Variants in ADGRL3 observed in about 807,000 individuals in gnomAD.
The protein encoded by ADGRL3 is calcium-independent alpha-latrotoxin receptor 3.
ADGRL3 carries 62 observed loss-of-function variants against 153.5 expected under a neutral mutation model. The ratio of observed to expected loss-of-function variants is 0.40; its 90% CI spans 0.33 to 0.50. The LOEUF (loss-of-function observed/expected upper bound fraction) is 0.50, where lower values mean the gene tolerates loss of function less well. ADGRL3 is among the 20% of genes least tolerant of loss of function. The pLI is 0.47. For synonymous variants in ADGRL3, 710 were observed against 672.5 expected (o/e 1.06, Z -0.86); for missense variants, 1,641 against 1,859.4 (o/e 0.88, Z 2.16).
intron 1 of ADGRL3, among the ~76,000 whole-genome samples, chr4:61,354,007 C>A (rs528746641): frequency 4.4e-4 from 67 of 152,034 alleles, no homozygotes; most frequent in African/African-American, 1.6e-3. Flanking sequence ...GTATTTATTT[C>A]TCTTCTTTCC....
Position 61,432,634 on chromosome 4 carries a change from CTTTCTTTCTTTCTTTCT to C in ADGRL3, c.-174+49448_-174+49464del, listed in dbSNP as rs1487513189. ...TCTTTCTTTCTTTCTTTCTTTCTTT[CTTTCTTTCTTTCTTTCT>C]TTCTTTTTTTTTTTTTTTTGAGACA... On this transcript the variant is annotated intron_variant, in intron 2 of 26. Transcript: ENST00000683033. Among the ~76,000 whole-genome samples, 93 of 32,616 alleles carry C rather than the reference CTTTCTTTCTTTCTTTCT, an allele frequency of 2.9e-3. 9 individuals are homozygous for C. Among genetic ancestry groups the C allele is most frequent in the African/African-American group, 8.6e-3 (89 of 10,290 alleles). 21.4% of individuals were successfully genotyped at this position (32,616 alleles called of 152,430 possible).
At chr4:61,504,433 T>C (rs2098413858) in intron 3 of ADGRL3, among the ~76,000 whole-genome samples, 1 of 152,236 alleles carries the variant, frequency 6.6e-6, no homozygotes, top group African/African-American at 2.4e-5. Context: ...AGCATACAAT[T>C]TGTAAGGATC....
chr4:61,373,764 G>T (rs975996641), intron 1 of ADGRL3, among the ~76,000 whole-genome samples: 1 of 152,064 alleles, frequency 6.6e-6, no homozygotes, highest in Admixed American at 6.6e-5. Context: ...TTTTTAAAAA[G>T]GTCTGTGGAT....
At chr4:61,865,558 A>C (rs999527184) in intron 9 of ADGRL3, among the ~76,000 whole-genome samples, 6 of 152,186 alleles carry the variant, frequency 3.9e-5, no homozygotes, top group Admixed American at 3.3e-4. Context: ...CATTACTTTT[A>C]GTCCTAAAAT....
At chr4:61,989,811 G>A (rs938406018) in intron 19 of ADGRL3, among the ~76,000 whole-genome samples, 1 of 151,948 alleles carries the variant, frequency 6.6e-6, no homozygotes, top group African/African-American at 2.4e-5. Flanking sequence ...AACTTCCACA[G>A]CTATCATTAG....
intron 5 of ADGRL3, among the ~76,000 whole-genome samples, chr4:61,604,284 C>T (rs1348851204): frequency 6.6e-6 from 1 of 152,084 alleles, no homozygotes; most frequent in Non-Finnish European, 1.5e-5. Flanking sequence ...CTCCACTAGT[C>T]TAGGTTGTTG....
intron 5 of ADGRL3, among the ~76,000 whole-genome samples, chr4:61,617,118 G>T (rs1284104515): frequency 1.3e-5 from 2 of 152,034 alleles, no homozygotes; most frequent in East Asian, 3.9e-4. Flanking sequence ...CCCTTCGTAG[G>T]CATAGGATTG....
intron 5 of ADGRL3, among the ~76,000 whole-genome samples, chr4:61,673,128 A>G (rs2095062928): frequency 6.6e-6 from 1 of 151,952 alleles, no homozygotes; most frequent in African/African-American, 2.4e-5. Context: ...GGAATCTAAG[A>G]AAGTCAAACT....
chr4:62,070,735 G>A lies in ADGRL3; in HGVS notation c.4459G>A (p.Val1487Ile). Residue 1487 changes from valine (V) to isoleucine (I), a missense_variant, in exon 27 of 27, where the codon GTT becomes ATT. Around this residue, in one of 5 missense-constraint regions of ADGRL3, gnomAD observed 517 missense variants for 555.0 expected, o/e 0.93. Transcript: ENST00000683033. Reference sequence around the variant, plus strand: ...GGCCAAATGTGGTGATGCCGAAGATGTTTACTACAAAAGCATGCCAAACCT... The same window carrying A: ...GGCCAAATGTGGTGATGCCGAAGATATTTACTACAAAAGCATGCCAAACCT... Reference protein sequence around the residue: ...PPAKCGDAEDVYYKSMPNLGS... With the variant: ...PPAKCGDAEDIYYKSMPNLGS... 5 of 1,551,634 alleles carry A rather than the reference G, an allele frequency of 3.2e-6. No homozygotes were observed. Among genetic ancestry groups the A allele is most frequent in the Non-Finnish European group, 3.5e-6 (4 of 1,146,970 alleles).
intron 12 of ADGRL3, among the ~76,000 whole-genome samples, chr4:61,911,825 C>A (rs1249310489): frequency 2.0e-5 from 3 of 151,198 alleles, no homozygotes; most frequent in African/African-American, 7.3e-5. Context: ...CTTCAACAAT[C>A]AAGGCTACTG....
intron 9 of ADGRL3, among the ~76,000 whole-genome samples, chr4:61,871,094 C>A (rs576845813): frequency 2.7e-5 from 4 of 150,128 alleles, no homozygotes; most frequent in African/African-American, 1.0e-4. Context: ...CTGGCTAACA[C>A]GGTGAAACCC....
intron 5 of ADGRL3, among the ~76,000 whole-genome samples, chr4:61,637,324 G>A (rs746654466): frequency 1.8e-4 from 27 of 152,218 alleles, no homozygotes; most frequent in Non-Finnish European, 2.6e-4. Flanking sequence ...AGCGGAGACC[G>A]GGCTCATGCA....
chr4:61,871,256 T>C lies in ADGRL3; in HGVS notation c.1481-21400T>C, dbSNP rs191436403. 3.7e-4 allele frequency among the ~76,000 whole-genome samples: 56 copies of C among 149,528 alleles called. 1 individual carries two copies. Among genetic ancestry groups the C allele is most frequent in the African/African-American group, 5.7e-4 (23 of 40,334 alleles). On this transcript the variant is annotated intron_variant, in intron 9 of 26. Coordinates refer to ENST00000683033, the MANE Select transcript of ADGRL3 (RefSeq NM_001387552.1). Reference sequence around the variant, plus strand: ...TCGCACCACTGCACTCCAGCCTGGGTGACAGAGTGAGACTCCATCTCAGAA... The same window carrying C: ...TCGCACCACTGCACTCCAGCCTGGGCGACAGAGTGAGACTCCATCTCAGAA...
intron 6 of ADGRL3, among the ~76,000 whole-genome samples, chr4:61,677,674 T>C (rs2095239623): frequency 1.3e-5 from 2 of 152,160 alleles, no homozygotes; most frequent in Non-Finnish European, 2.9e-5. Context: ...AAATTATGTA[T>C]TCTCATAATA....
At chr4:61,811,338 G>GTT (rs143850144) in intron 8 of ADGRL3, among the ~76,000 whole-genome samples, 8,107 of 151,408 alleles carry the variant, frequency 0.054, 362 homozygotes, top group African/African-American at 0.12. Flanking sequence ...CAATGGATGA[G>GTT]TTTTTTTTTA....
At chr4:62,021,230 G>A (rs571657624) in intron 21 of ADGRL3, among the ~76,000 whole-genome samples, 3 of 151,920 alleles carry the variant, frequency 2.0e-5, no homozygotes, top group Admixed American at 2.0e-4. Context: ...GCATAATTTT[G>A]TGTAGCAAAT....
intron 4 of ADGRL3, among the ~76,000 whole-genome samples, chr4:61,524,068 A>G (rs1013999797): frequency 1.9e-4 from 29 of 152,122 alleles, no homozygotes; most frequent in African/African-American, 7.0e-4. Flanking sequence ...AGCAAATTTT[A>G]TACAATGACA....
chr4:61,205,238 A>C (rs1736573211), intron 1 of ADGRL3, among the ~76,000 whole-genome samples: 1 of 152,190 alleles, frequency 6.6e-6, no homozygotes, highest in Admixed American at 6.5e-5. Flanking sequence ...TGTTGGTTGA[A>C]ACTCTCTTTG....
At chr4:61,298,355 A>G (rs1431207883) in intron 1 of ADGRL3, among the ~76,000 whole-genome samples, 1 of 152,150 alleles carries the variant, frequency 6.6e-6, no homozygotes, top group Non-Finnish European at 1.5e-5. Flanking sequence ...TGGTCCCTCT[A>G]GTTGGGCAAT....
Sources: gnomAD v4.1 joint callset for allele counts (sites outside exome capture counted in the v4.1 genomes callset) on GRCh38, gnomAD v4.1.1 for gene constraint, gnomAD v4.1.1 regional missense constraint, MANE v1.5 for transcripts, NCBI Gene and HGNC (gene_info 2026-07-23, HGNC 2026-07-21) for gene names.